Variants in PYHIN1 observed in about 807,000 individuals in gnomAD.
PYHIN1 encodes the protein pyrin and HIN domain family member 1.
In PYHIN1, 32 loss-of-function variants were observed where a neutral mutation model predicts 43.7. That is an observed-to-expected ratio of 0.73 (90% CI 0.55 to 0.98). The LOEUF (loss-of-function observed/expected upper bound fraction) is 0.98. Among genes scored for constraint, PYHIN1 ranks in the 50% least tolerant of loss-of-function variants. The pLI is 0.00. For missense variants in PYHIN1, 588 were observed against 589.5 expected, an observed-to-expected ratio of 1.00 and a Z score of 0.03; for synonymous variants, 205 against 203.1, an observed-to-expected ratio of 1.01 and a Z score of -0.08.
chr1:158,979,349 C>G (rs771233986), downstream of PYHIN1, among the ~76,000 whole-genome samples: 2 of 152,092 alleles, frequency 1.3e-5, no homozygotes, highest in African/African-American at 2.4e-5. Flanking sequence ...ATTTTCTGCT[C>G]CTGTAAGTTT....
At position 158,943,792 on chromosome 1, in the gene PYHIN1, A is replaced by G. The variant is rs148854814; in HGVS notation, c.1005A>G (p.Lys335=). The part of the protein sequence containing the change: ...IVYGLFMLHT[K]IVNRKTTIYE... The stretch of plus-strand genomic sequence containing the variant: ...ATGATATTAATTTTTTGTTGCAGAA[A>G]ATTGTAAATAGGAAGACGACAATCT... Residue 335 remains lysine, a splice_region_variant and synonymous_variant, in exon 6 of 9, where the codon AAA becomes AAG. Transcript: ENST00000368140. 1.6e-3 allele frequency: 2,527 copies of G among 1,591,752 alleles called. 13 individuals carry two copies. In the Middle Eastern group the frequency reaches 0.019, roughly 12 times the overall value.
intron 7 of PYHIN1, among the ~76,000 whole-genome samples, chr1:158,956,261 G>A (rs1649923777): frequency 6.6e-6 from 1 of 151,900 alleles, no homozygotes; most frequent in African/African-American, 2.4e-5. Context: ...TATGAGGTCA[G>A]CATCATTCTG....
the PYHIN1 span, among the ~76,000 whole-genome samples, chr1:158,990,671 C>A: frequency 1.3e-5 from 2 of 152,054 alleles, no homozygotes; most frequent in Non-Finnish European, 2.9e-5. Context: ...CCCATTTCTC[C>A]CTCCCCTACA....
chr1:158,940,077 T>C (rs1209803686), intron 4 of PYHIN1: 1 of 152,638 alleles, frequency 6.6e-6, no homozygotes, highest in Non-Finnish European at 1.5e-5. Flanking sequence ...TACAAAAAAA[T>C]TAGCTGGGTA....
At chr1:158,961,017 A>G (rs1348312047) in intron 7 of PYHIN1, among the ~76,000 whole-genome samples, 1 of 152,174 alleles carries the variant, frequency 6.6e-6, no homozygotes, top group Non-Finnish European at 1.5e-5. Context: ...TATGAGACAT[A>G]AGTGATCAGA....
At chr1:158,932,596 A>G (rs995870949) in intron 1 of PYHIN1, among the ~76,000 whole-genome samples, 6 of 152,254 alleles carry the variant, frequency 3.9e-5, no homozygotes, top group African/African-American at 1.2e-4. Flanking sequence ...ACAAAAACAT[A>G]TGTGAGAACA....
At chr1:158,947,829 A>G (rs1306167397) in intron 7 of PYHIN1, among the ~76,000 whole-genome samples, 1 of 152,252 alleles carries the variant, frequency 6.6e-6, no homozygotes, top group East Asian at 1.9e-4. Context: ...CCCACAGTTG[A>G]TCAAAGGTTG....
At chr1:158,971,581 G>A (rs1269823219) in intron 7 of PYHIN1, among the ~76,000 whole-genome samples, 2 of 151,978 alleles carry the variant, frequency 1.3e-5, no homozygotes, top group African/African-American at 4.8e-5. Context: ...AGAGAGTGCT[G>A]ATAGCAAAAT....
At chr1:158,932,900 A>G (rs995939505) in intron 1 of PYHIN1, among the ~76,000 whole-genome samples, 2 of 152,178 alleles carry the variant, frequency 1.3e-5, no homozygotes, top group Non-Finnish European at 2.9e-5. Context: ...CAAAGTTCAG[A>G]ATTTTTAGAA....
downstream of PYHIN1, among the ~76,000 whole-genome samples, chr1:158,977,727 C>T (rs1651343979): frequency 6.6e-6 from 1 of 152,050 alleles, no homozygotes; most frequent in Non-Finnish European, 1.5e-5. Flanking sequence ...CAGTTTTCTC[C>T]TTTTTACTCT....
chr1:158,955,047 G>C (rs906598231), intron 7 of PYHIN1, among the ~76,000 whole-genome samples: 1 of 152,066 alleles, frequency 6.6e-6, no homozygotes, highest in Non-Finnish European at 1.5e-5. Flanking sequence ...AACAAGAAGA[G>C]CTAACTATCC....
At chr1:158,948,016 CT>C (rs1649319521) in intron 7 of PYHIN1, among the ~76,000 whole-genome samples, 2 of 152,194 alleles carry the variant, frequency 1.3e-5, no homozygotes, top group Admixed American at 6.5e-5. Context: ...AGAACTTCAT[CT>C]TAAAATTTTT....
At chr1:158,981,268 G>A (rs551489307), downstream of PYHIN1, among the ~76,000 whole-genome samples, 5 of 152,140 alleles carry the variant, frequency 3.3e-5, no homozygotes, top group South Asian at 4.1e-4. Context: ...TCAGGAGTTC[G>A]AGACCAGCCT....
intron 1 of PYHIN1, 150 bp downstream of exon 1, chr1:158,931,926 G>T (rs530701933): frequency 1.3e-5 from 2 of 152,288 alleles, no homozygotes; most frequent in East Asian, 3.9e-4. Flanking sequence ...AGTGAAAACT[G>T]CAGTTAATAC....
chr1:158,936,956 G>A lies in PYHIN1; in HGVS notation c.46G>A (p.Val16Ile), dbSNP rs775997385. The change falls in exon 2 of 9, where the codon GTC (valine) becomes ATC (isoleucine). Residue 16 changes from valine to isoleucine, a missense_variant. Physicochemically the swap from Val to Ile is conservative, Grantham distance 29 (BLOSUM62 3). Coordinates refer to ENST00000368140, the MANE Select transcript of PYHIN1 (RefSeq NM_152501.5). ...AATTGTTCTACTGAAAGGATTAGAG[G>A]TCATCAATGATTATCATTTTAGAAT... is the stretch of plus-strand genomic sequence containing the variant. ...KKIVLLKGLE[V>I]INDYHFRIVK... 4 of 1,611,140 alleles carry A rather than the reference G, an allele frequency of 2.5e-6. No individual in the cohort carries two copies. The highest frequency in any genetic ancestry group is 2.2e-5 in the East Asian group (1 of 44,858).
chr1:158,988,744 A>G, the PYHIN1 span, among the ~76,000 whole-genome samples: 8 of 152,326 alleles, frequency 5.3e-5, no homozygotes, highest in Non-Finnish European at 1.2e-4. Context: ...TTAAAATAAA[A>G]TGAGGAGAGA....
At chr1:158,959,421 T>C (rs1650194711) in intron 7 of PYHIN1, among the ~76,000 whole-genome samples, 1 of 152,130 alleles carries the variant, frequency 6.6e-6, no homozygotes, top group African/African-American at 2.4e-5. Flanking sequence ...GCACCCGCGG[T>C]TGATCAAAAG....
chr1:158,974,580 G>T (rs1041373788), intron 8 of PYHIN1, among the ~76,000 whole-genome samples: 1 of 152,036 alleles, frequency 6.6e-6, no homozygotes, highest in Non-Finnish European at 1.5e-5. Flanking sequence ...GGAAGGTGAT[G>T]AAAGAGAAAG....
At chr1:158,960,480 CT>C (rs1290955600) in intron 7 of PYHIN1, among the ~76,000 whole-genome samples, 2 of 152,198 alleles carry the variant, frequency 1.3e-5, no homozygotes, top group Non-Finnish European at 2.9e-5. Context: ...GATATTATGC[CT>C]TTATGGCCTC....
Sources: gnomAD v4.1 joint callset for allele counts (sites outside exome capture counted in the v4.1 genomes callset) on GRCh38, gnomAD v4.1.1 for gene constraint, MANE v1.5 for transcripts, NCBI Gene and HGNC (gene_info 2026-07-23, HGNC 2026-07-21) for gene names.